DMD: variants seen among roughly 807,000 people sequenced by gnomAD.
DMD encodes mutant dystrophin.
Under a neutral mutation model 330.1 loss-of-function variants are expected in DMD, and 63 were observed. That is an observed-to-expected ratio of 0.19 (90% confidence interval 0.16 to 0.24). The LOEUF is 0.24. DMD is among the 10% of genes least tolerant of loss of function. The probability of loss-of-function intolerance (pLI) is 1.00; values close to 1 mark genes in which losing one functional copy is unlikely to be tolerated. For synonymous variants in DMD, 1,223 were observed against 959.8 expected (o/e 1.27, Z -5.07); for missense variants, 3,344 against 2,684.1 (o/e 1.25, Z -5.43).
chrX:32,864,182 G>GTTTC (rs58257116), intron 2 of DMD, among the ~76,000 whole-genome samples: 6,829 of 111,907 alleles, frequency 0.061, 444 homozygotes, highest in African/African-American at 0.18. Context: ...ACATCGACTG[G>GTTTC]TTTATGTCAG....
intron 5 of DMD, among the ~76,000 whole-genome samples, chrX:32,819,026 T>TTTTC (rs1557054539): frequency 9.6e-6 from 1 of 103,909 alleles, no homozygotes; most frequent in Admixed American, 1.0e-4. Flanking sequence ...TTTTTTTTTT[T>TTTTC]CCAGGGCATG....
At chrX:32,085,409 T>C (rs951353249) in intron 44 of DMD, among the ~76,000 whole-genome samples, 6 of 109,311 alleles carry the variant, frequency 5.5e-5, no homozygotes, top group African/African-American at 1.7e-4. Flanking sequence ...ATGTACATTG[T>C]AGCCATTAAT....
intron 44 of DMD, among the ~76,000 whole-genome samples, chrX:32,177,592 C>T (rs1427103856): frequency 9.0e-6 from 1 of 110,667 alleles, no homozygotes; most frequent in African/African-American, 3.3e-5. Flanking sequence ...ATTTCTAACT[C>T]GGACACCAGT....
intron 17 of DMD, among the ~76,000 whole-genome samples, chrX:32,521,139 CT>C (rs1254185467): frequency 9.0e-6 from 1 of 111,653 alleles, no homozygotes; most frequent in Non-Finnish European, 1.9e-5. Context: ...TATTCTCTTA[CT>C]TTTGCTCAAG....
At chrX:31,769,587 A>C (rs1049994197) in intron 51 of DMD, among the ~76,000 whole-genome samples, 1 of 111,473 alleles carries the variant, frequency 9.0e-6, no homozygotes, top group African/African-American at 3.3e-5. Context: ...ACTAACACTA[A>C]TGATAGCTGA....
At chrX:32,144,936 A>G (rs1448700866) in intron 44 of DMD, among the ~76,000 whole-genome samples, 1 of 111,249 alleles carries the variant, frequency 9.0e-6, no homozygotes, top group African/African-American at 3.3e-5. Flanking sequence ...AGGGAGGCTG[A>G]GGCAGGAGAA....
intron 12 of DMD, among the ~76,000 whole-genome samples, chrX:32,598,384 C>T (rs1367381056): frequency 9.0e-6 from 1 of 111,195 alleles, no homozygotes; most frequent in Non-Finnish European, 1.9e-5. Flanking sequence ...TTATATAAGA[C>T]AGGACTGGGA....
chrX:33,025,959 G>C (rs1414658413), intron 1 of DMD, among the ~76,000 whole-genome samples: 1 of 111,719 alleles, frequency 9.0e-6, no homozygotes, highest in African/African-American at 3.3e-5. Context: ...TCTTTAAAAG[G>C]GGAAGGGAAT....
intron 2 of DMD, among the ~76,000 whole-genome samples, chrX:32,942,073 C>G (rs896194596): frequency 1.9e-5 from 2 of 107,017 alleles, no homozygotes; most frequent in Non-Finnish European, 3.8e-5. Flanking sequence ...GACGTTTCCC[C>G]TTTACAAACC....
intron 51 of DMD, among the ~76,000 whole-genome samples, chrX:31,760,490 C>A (rs922945514): frequency 8.9e-6 from 1 of 111,885 alleles, no homozygotes; most frequent in African/African-American, 3.2e-5. Flanking sequence ...TACACAAATA[C>A]TTGCCATCGT....
At chrX:32,495,376 T>G (rs930602345) in intron 19 of DMD, among the ~76,000 whole-genome samples, 21 of 111,721 alleles carry the variant, frequency 1.9e-4, no homozygotes, top group African/African-American at 6.8e-4. Context: ...ATAAAAATTA[T>G]GAGACCAATG....
At chrX:32,557,254 C>T (rs1465165603) in intron 16 of DMD, among the ~76,000 whole-genome samples, 1 of 111,871 alleles carries the variant, frequency 8.9e-6, no homozygotes, top group African/African-American at 3.2e-5. Context: ...CTTGCTCCTA[C>T]ACTTGTACAC....
chrX:31,951,122 C>CACAT lies in DMD; in HGVS notation c.6614+17216_6614+17217insATGT, dbSNP rs1557025236. Among the ~76,000 whole-genome samples, 14 of 65,354 alleles carry CACAT rather than the reference C, an allele frequency of 2.1e-4. No homozygotes were observed. In the South Asian group the frequency reaches 5.1e-3, roughly 24 times the overall value. 56.8% of individuals were successfully genotyped at this position (65,354 alleles called of 115,157 possible). ...TTTAAACACACATACTATATATATA[C>CACAT]ATATATATATATATATATGTGTATA... is the stretch of plus-strand genomic sequence containing the variant. On this transcript the variant is annotated intron_variant, in intron 45 of 78. Coordinates refer to ENST00000357033, the MANE Select transcript of DMD (RefSeq NM_004006.3).
intron 1 of DMD, among the ~76,000 whole-genome samples, chrX:33,095,091 A>G (rs993495882): frequency 2.7e-5 from 3 of 112,483 alleles, no homozygotes; most frequent in African/African-American, 9.7e-5. Flanking sequence ...CTCTGTGTGC[A>G]TACAAATATA....
intron 44 of DMD, among the ~76,000 whole-genome samples, chrX:32,100,011 T>C (rs2096532086): frequency 9.0e-6 from 1 of 111,114 alleles, no homozygotes; most frequent in African/African-American, 3.3e-5. Context: ...CCATGTGACC[T>C]CGGGCATAAC....
At chrX:32,837,063 T>G (rs1029552750) in intron 4 of DMD, among the ~76,000 whole-genome samples, 5 of 111,577 alleles carry the variant, frequency 4.5e-5, no homozygotes, top group Middle Eastern at 4.7e-3. Context: ...CAAATAGAAG[T>G]GGTATGGCCT....
chrX:31,640,943 C>T (rs750048516), intron 54 of DMD, among the ~76,000 whole-genome samples: 59 of 111,641 alleles, frequency 5.3e-4, no homozygotes, highest in African/African-American at 1.6e-3. Flanking sequence ...GTCTTCTAAG[C>T]GGATGACAGT....
chrX:31,603,933 A>G (rs746647066), intron 55 of DMD, among the ~76,000 whole-genome samples: 10 of 111,924 alleles, frequency 8.9e-5, no homozygotes, highest in Non-Finnish European at 1.9e-4. Context: ...CTTGACCCAT[A>G]ATGCAATGTG....
intron 1 of DMD, among the ~76,000 whole-genome samples, chrX:33,071,377 C>A (rs966818413): frequency 9.5e-6 from 1 of 104,789 alleles, no homozygotes; most frequent in Non-Finnish European, 1.9e-5. Context: ...TGAGATCACG[C>A]CACTTCACTC....
Sources: gnomAD v4.1 joint callset for allele counts (sites outside exome capture counted in the v4.1 genomes callset) on GRCh38, gnomAD v4.1.1 for gene constraint, MANE v1.5 for transcripts, NCBI Gene and HGNC (gene_info 2026-07-23, HGNC 2026-07-21) for gene names.